ITGAV: variants seen among roughly 807,000 people sequenced by gnomAD.
ITGAV encodes the protein integrin subunit alpha V.
Under a neutral mutation model 143.8 loss-of-function variants are expected in ITGAV, and 76 were observed. The ratio of observed to expected loss-of-function variants is 0.53; its 90% confidence interval spans 0.44 to 0.64. ITGAV has a LOEUF of 0.64. ITGAV is among the 30% of genes least tolerant of loss of function. The probability of loss-of-function intolerance (pLI) is 0.00; values close to 1 mark genes in which losing one functional copy is unlikely to be tolerated. For missense variants in ITGAV, 1,193 were observed against 1,274.7 expected, an observed-to-expected ratio of 0.94 and a Z score of 0.98; for synonymous variants, 453 against 446.7, an observed-to-expected ratio of 1.01 and a Z score of -0.18.
intron 28 of ITGAV, chr2:186,676,229 G>A (rs1689204872): frequency 4.1e-6 from 1 of 241,948 alleles, no homozygotes; most frequent in Non-Finnish European, 7.8e-6. Flanking sequence ...GAAATTAACT[G>A]CAACAAGTGA....
chr2:186,674,806 C>A (rs1478050129), intron 26 of ITGAV, among the ~76,000 whole-genome samples: 1 of 152,176 alleles, frequency 6.6e-6, no homozygotes, highest in Non-Finnish European at 1.5e-5. Context: ...GCCACTGCAC[C>A]TGGCCTTAAT....
chr2:186,608,197 C>T (rs1687120526), intron 2 of ITGAV, among the ~76,000 whole-genome samples: 1 of 152,150 alleles, frequency 6.6e-6, no homozygotes, highest in Admixed American at 6.5e-5. Flanking sequence ...TGCTGGAAAG[C>T]TGTGGTTGTG....
At position 186,669,056 on chromosome 2, in the gene ITGAV, G is replaced by A. The variant is rs1688991245; in HGVS notation, c.2592+136G>A. 4.4e-6 allele frequency: 3 copies of A among 680,218 alleles called. No homozygotes were observed. In the East Asian group the frequency reaches 8.7e-5, roughly 20 times the overall value. 42.1% of individuals were successfully genotyped at this position (680,218 alleles called of 1,614,324 possible). A position where few individuals can be genotyped will look rare whatever the true frequency, so the allele number is the denominator to read the frequency against. On this transcript the variant is annotated intron_variant, in intron 25 of 29. Coordinates refer to ENST00000261023, the MANE Select transcript of ITGAV (RefSeq NM_002210.5). Reference sequence around the variant, plus strand: ...CTGCAAAAAATGGTTTAGTTCATAAGCAGTACACTTAGGATAAGTTCATTT... The same window carrying A: ...CTGCAAAAAATGGTTTAGTTCATAAACAGTACACTTAGGATAAGTTCATTT...
At chr2:186,590,586 T>A in intron 1 of ITGAV, 63 bp downstream of exon 1, 2 of 1,459,456 alleles carry the variant, frequency 1.4e-6, no homozygotes, top group Non-Finnish European at 1.9e-6. Context: ...CCACCCAGCG[T>A]TTCTCCATTG....
intron 10 of ITGAV, among the ~76,000 whole-genome samples, chr2:186,639,729 G>A (rs777074762): frequency 6.6e-6 from 1 of 152,144 alleles, no homozygotes; most frequent in Non-Finnish European, 1.5e-5. Flanking sequence ...TATAAAAATA[G>A]GGATGCTGAC....
chr2:186,590,263 C>T lies in ITGAV; in HGVS notation c.-76C>T. 2.4e-6 allele frequency: 3 copies of T among 1,259,804 alleles called. No homozygotes were observed. Among genetic ancestry groups the T allele is most frequent in the Admixed American group, 8.4e-5 (2 of 23,926 alleles). The allele number at this position is 1,259,804 out of a possible 1,614,324, so 78.0% of individuals were successfully genotyped here. On this transcript the variant is annotated 5_prime_UTR_variant, in exon 1 of 30. Transcript: ENST00000261023. ...TTGGGCGCGCGCAGGCGGCGGGCCG[C>T]GGGCACTGGGCGCCTCGCTGGGGCG...
chr2:186,643,192 C>T (rs1040790710), intron 12 of ITGAV, among the ~76,000 whole-genome samples: 2 of 152,194 alleles, frequency 1.3e-5, no homozygotes, highest in Non-Finnish European at 2.9e-5. Flanking sequence ...TTTCTCATTA[C>T]TGTGATCTAG....
chr2:186,651,886 G>T (rs1397725009), intron 14 of ITGAV, 96 bp from the exon 15 acceptor site: 2 of 648,034 alleles, frequency 3.1e-6, no homozygotes, highest in Admixed American at 5.4e-5. Flanking sequence ...AGTAGACATG[G>T]TACTATATAT....
At chr2:186,624,103 C>T (rs921787680) in intron 3 of ITGAV, among the ~76,000 whole-genome samples, 1 of 152,162 alleles carries the variant, frequency 6.6e-6, no homozygotes, top group South Asian at 2.1e-4. Flanking sequence ...ATCTCACATA[C>T]TAAAGCCAGG....
chr2:186,635,488 T>A (rs1226220410), intron 6 of ITGAV, among the ~76,000 whole-genome samples: 2 of 152,208 alleles, frequency 1.3e-5, no homozygotes, highest in African/African-American at 4.8e-5. Context: ...CACATTTCTT[T>A]CTAAAACAGC....
chr2:186,598,659 C>T (rs975218605), intron 1 of ITGAV, among the ~76,000 whole-genome samples: 8 of 152,026 alleles, frequency 5.3e-5, no homozygotes, highest in Non-Finnish European at 7.4e-5. Flanking sequence ...AAACTCCTGA[C>T]CTCAAGTGAT....
intron 25 of ITGAV, 84 bp from the exon 26 acceptor site, chr2:186,669,617 A>G (rs1574503309): frequency 3.4e-6 from 3 of 875,090 alleles, no homozygotes; most frequent in Non-Finnish European, 5.4e-6. Context: ...TTTTTTAATC[A>G]TATCTAAGAG....
intron 10 of ITGAV, among the ~76,000 whole-genome samples, chr2:186,639,150 T>G (rs1030457911): frequency 6.6e-6 from 1 of 152,218 alleles, no homozygotes; most frequent in Non-Finnish European, 1.5e-5. Context: ...TAGTACTTTT[T>G]AAGTATTAGA....
At chr2:186,593,704 G>T (rs1686674119) in intron 1 of ITGAV, among the ~76,000 whole-genome samples, 1 of 152,190 alleles carries the variant, frequency 6.6e-6, no homozygotes, top group South Asian at 2.1e-4. Flanking sequence ...GGAAGTAAGG[G>T]GAAGCAGATA....
chr2:186,628,629 T>C (rs1245657114), intron 4 of ITGAV, among the ~76,000 whole-genome samples: 6 of 152,142 alleles, frequency 3.9e-5, no homozygotes, highest in Non-Finnish European at 7.4e-5. Context: ...CACTGCACTA[T>C]GTCAAATCAA....
At chr2:186,672,580 C>T (rs1689096750) in intron 26 of ITGAV, among the ~76,000 whole-genome samples, 1 of 152,178 alleles carries the variant, frequency 6.6e-6, no homozygotes, top group Non-Finnish European at 1.5e-5. Context: ...TTTGTCAACA[C>T]TTATTATTTT....
chr2:186,672,186 G>A (rs779155974), intron 26 of ITGAV, among the ~76,000 whole-genome samples: 4 of 151,948 alleles, frequency 2.6e-5, no homozygotes, highest in Non-Finnish European at 5.9e-5. Context: ...TCCTGACCTC[G>A]TGATCCGCCC....
chr2:186,672,194 C>T (rs955728814), intron 26 of ITGAV, among the ~76,000 whole-genome samples: 1 of 152,122 alleles, frequency 6.6e-6, no homozygotes, highest in Non-Finnish European at 1.5e-5. Context: ...TCGTGATCCG[C>T]CCGCCTCGGC....
intron 2 of ITGAV, among the ~76,000 whole-genome samples, chr2:186,610,713 TG>T (rs1416260109): frequency 6.6e-6 from 1 of 152,206 alleles, no homozygotes; most frequent in Non-Finnish European, 1.5e-5. Context: ...ACAGTTATTT[TG>T]GGTATGATTT....
Sources: gnomAD v4.1 joint callset for allele counts (sites outside exome capture counted in the v4.1 genomes callset) on GRCh38, gnomAD v4.1.1 for gene constraint, MANE v1.5 for transcripts, NCBI Gene and HGNC (gene_info 2026-07-23, HGNC 2026-07-21) for gene names.